WBP4: variants seen among roughly 807,000 people sequenced by gnomAD.
WBP4 encodes the protein WW domain binding protein 4.
In WBP4, 37 loss-of-function variants were observed where a neutral mutation model predicts 55.4. That is an observed-to-expected ratio of 0.67 (90% CI 0.51 to 0.88). WBP4 has a LOEUF of 0.88. WBP4 is among the 40% of genes least tolerant of loss of function. The pLI is 0.00. For synonymous variants in WBP4, 142 were observed against 140.2 expected, an observed-to-expected ratio of 1.01 and a Z score of -0.09; for missense variants, 398 against 420.8, an observed-to-expected ratio of 0.95 and a Z score of 0.47.
chr13:41,069,294 G>A (rs1054462723), intron 5 of WBP4, among the ~76,000 whole-genome samples: 23 of 151,980 alleles, frequency 1.5e-4, no homozygotes, highest in Admixed American at 1.4e-3. Context: ...TTGAGGGGCC[G>A]AGGAGGGTAG....
rs1566214994 is a variant in WBP4, at chr13:41,080,559, A to G, written c.757-87A>G. On this transcript the variant is annotated intron_variant, in intron 8 of 9. Transcript: ENST00000379487. ...TTAGTGAATTATTGTTTATAAATCT[A>G]TAACAATACCTTTAAAAGCCTTAAA... is the stretch of plus-strand genomic sequence containing the variant. 6.0e-6 allele frequency: 6 copies of G among 991,788 alleles called. No homozygotes were observed. In the Admixed American group the frequency reaches 1.2e-4, roughly 20 times the overall value. The allele number at this position is 991,788 out of a possible 1,614,324, so 61.4% of individuals were successfully genotyped here.
rs540824772 is a variant in WBP4 at position 41,065,763 on chromosome 13, A to G, written c.262+476A>G. ...AGCAGATTTTACTAGTAGAAGGCAG[A>G]TATTTACTACTAGAAGGAAGTTCCA... On this transcript the variant is annotated intron_variant, in intron 4 of 9. Transcript: ENST00000379487. 2.6e-5 allele frequency among the ~76,000 whole-genome samples: 4 copies of G among 152,320 alleles called. No individual in the cohort carries two copies. The South Asian group carries it at 8.3e-4, about 32-fold the overall frequency.
At position 41,083,057 on chromosome 13, in the gene WBP4, T is replaced by C. The variant is rs1470296125; in HGVS notation, c.*143T>C. 1.2e-6 allele frequency: 1 copy of C among 843,406 alleles called. No individual in the cohort carries two copies. Among genetic ancestry groups the C allele is most frequent in the Admixed American group, 3.0e-5 (1 of 33,522 alleles). 52.2% of individuals were successfully genotyped at this position (843,406 alleles called of 1,614,324 possible). On this transcript the variant is annotated 3_prime_UTR_variant, in exon 10 of 10. Coordinates refer to ENST00000379487, the MANE Select transcript of WBP4 (RefSeq NM_007187.5). ...TATTTGATGTGAATTAAAATAAATA[T>C]TTTTTCATGTGAAATTTATTTTGGT...
chr13:41,082,669 T>A (rs1307284157), intron 9 of WBP4, 35 bp from the exon 10 acceptor site: 2 of 1,602,578 alleles, frequency 1.2e-6, no homozygotes, highest in Admixed American at 3.4e-5. Flanking sequence ...TGTCTTACCC[T>A]GTCAAATAGA....
chr13:41,064,541 A>G (rs1877858394), intron 2 of WBP4, among the ~76,000 whole-genome samples: 1 of 152,200 alleles, frequency 6.6e-6, no homozygotes, highest in Non-Finnish European at 1.5e-5. Flanking sequence ...TTTACGAGGA[A>G]TCTTAAAATA....
In WBP4 at chr13:41,061,543, C is replaced by T. The variant is rs953377506; in HGVS notation, c.-131C>T. On this transcript the variant is annotated 5_prime_UTR_variant, in exon 1 of 10. Transcript: ENST00000379487. ...AACAGCGGAACGCTGGTCCCGGGGA[C>T]TGAGTAAGGTGTCTGGATCGGAGGG... 23 of 1,427,112 alleles carry T rather than the reference C, an allele frequency of 1.6e-5. No individual in the cohort carries two copies. The Admixed American group carries it at 3.5e-4, about 22-fold the overall frequency. 88.4% of individuals were successfully genotyped at this position (1,427,112 alleles called of 1,614,324 possible).
At chr13:41,071,458 T>C (rs959774935) in intron 5 of WBP4, 69 bp from the exon 6 acceptor site, 226 of 1,380,440 alleles carry the variant, frequency 1.6e-4, no homozygotes, top group Non-Finnish European at 2.2e-4. Flanking sequence ...GTAAATTTTG[T>C]CCAAATTTTT....
intron 1 of WBP4, chr13:41,062,204 G>A (rs535013697): frequency 1.0e-6 from 1 of 977,990 alleles, no homozygotes; most frequent in Admixed American, 6.8e-5. Flanking sequence ...TTAACTGAGA[G>A]TCTGGGAGGA....
intron 5 of WBP4, among the ~76,000 whole-genome samples, chr13:41,069,396 C>T (rs1285446790): frequency 6.6e-6 from 1 of 152,090 alleles, no homozygotes; most frequent in Non-Finnish European, 1.5e-5. Context: ...GGCGCGGTGG[C>T]TCACACCTGT....
chr13:41,071,194 C>T (rs1419963753), intron 5 of WBP4, among the ~76,000 whole-genome samples: 1 of 152,180 alleles, frequency 6.6e-6, no homozygotes, highest in African/African-American at 2.4e-5. Flanking sequence ...ATCTCTCACT[C>T]TCCCTTGCCC....
In WBP4 at chr13:41,076,588, A is replaced by G. The variant is rs552117500; in HGVS notation, c.756+351A>G. On this transcript the variant is annotated intron_variant, in intron 8 of 9. Coordinates refer to ENST00000379487, the MANE Select transcript of WBP4 (RefSeq NM_007187.5). ...GCGTCACCACGCCCAGCTGACATCA[A>G]TTTTTGAAAAGCTCTACAGACCTTA... Among the ~76,000 whole-genome samples, 4 of 152,190 alleles carry G rather than the reference A, an allele frequency of 2.6e-5. No individual in the cohort carries two copies. The South Asian group carries it at 6.2e-4, about 24-fold the overall frequency.
rs1878728586 is a variant in WBP4, at chr13:41,080,639, A to T, written c.757-7A>T. ...AACTGTATTATTTCTTGGCTTTTAC[A>T]TTTCAGGAAAAAAATAAAAATAGTG... On this transcript the variant is annotated splice_region_variant and splice_polypyrimidine_tract_variant and intron_variant, in intron 8 of 9. Coordinates refer to ENST00000379487, the MANE Select transcript of WBP4 (RefSeq NM_007187.5). 1 of 1,574,466 alleles carries T rather than the reference A, an allele frequency of 6.4e-7. No homozygotes were observed. Among genetic ancestry groups the T allele is most frequent in the African/African-American group, 1.4e-5 (1 of 72,200 alleles).
chr13:41,063,310 A>G (rs572896699), intron 2 of WBP4, among the ~76,000 whole-genome samples: 6 of 152,312 alleles, frequency 3.9e-5, no homozygotes, highest in Non-Finnish European at 8.8e-5. Flanking sequence ...CTATGTACAT[A>G]CCACATAAAC....
At chr13:41,076,690 A>C (rs1416759458) in intron 8 of WBP4, among the ~76,000 whole-genome samples, 1 of 152,216 alleles carries the variant, frequency 6.6e-6, no homozygotes, top group African/African-American at 2.4e-5. Context: ...TCAGGAGCCC[A>C]TGAGTCAAAG....
At chr13:41,064,734 G>A (rs1408282069) in intron 2 of WBP4, among the ~76,000 whole-genome samples, 1 of 151,982 alleles carries the variant, frequency 6.6e-6, no homozygotes, top group East Asian at 1.9e-4. Flanking sequence ...ATAGTCACTA[G>A]ATTAGTCATC....
chr13:41,080,847 G>A (rs2138485501), intron 9 of WBP4, 38 bp downstream of exon 9: 1 of 1,572,328 alleles, frequency 6.4e-7, no homozygotes, highest in Non-Finnish European at 8.6e-7. Context: ...GTTATTACAA[G>A]TGATTTTACA....
chr13:41,072,659 A>T, intron 6 of WBP4, 123 bp from the exon 7 acceptor site: 1 of 734,094 alleles, frequency 1.4e-6, no homozygotes, highest in Non-Finnish European at 2.3e-6. Context: ...TTGGGTGGGG[A>T]TGCAGATCGA....
chr13:41,069,788 G>C (rs1263985708), intron 5 of WBP4, among the ~76,000 whole-genome samples: 1 of 148,426 alleles, frequency 6.7e-6, no homozygotes, highest in Non-Finnish European at 1.5e-5. Context: ...TGAGGCAGGA[G>C]AATCAATTGA....
At position 41,073,044 on chromosome 13, in the gene WBP4, T is replaced by C. The variant is rs574951524; in HGVS notation, c.562+187T>C. ...AAAGCAAAAAGATTTATATTCGTAT[T>C]ATGTTGTGCTGTTCACCAATGTTAT... On this transcript the variant is annotated intron_variant, in intron 7 of 9. Coordinates refer to ENST00000379487, the MANE Select transcript of WBP4 (RefSeq NM_007187.5). Among the ~76,000 whole-genome samples, 5 of 152,354 alleles carry C rather than the reference T, an allele frequency of 3.3e-5. No individual in the cohort carries two copies. In the South Asian group the frequency reaches 8.3e-4, roughly 25 times the overall value.
Sources: allele counts gnomAD v4.1 joint callset (sites outside exome capture counted in the v4.1 genomes callset), GRCh38; gene constraint gnomAD v4.1.1; transcripts MANE v1.5; gene names NCBI Gene and HGNC (gene_info 2026-07-23, HGNC 2026-07-21).